Variants in ENTREP2 observed in about 807,000 individuals in gnomAD.
The protein encoded by ENTREP2 is endosomal transmembrane epsin interactor 2.
At chr15:29,499,212 G>C in the ENTREP2 span, among the ~76,000 whole-genome samples, 1 of 152,100 alleles carries the variant, frequency 6.6e-6, no homozygotes, top group Non-Finnish European at 1.5e-5. Flanking sequence ...AGGATGCCTT[G>C]ATCCTTTCTT....
At chr15:29,297,226 A>G in the ENTREP2 span, among the ~76,000 whole-genome samples, 2 of 152,200 alleles carry the variant, frequency 1.3e-5, no homozygotes, top group African/African-American at 2.4e-5. Context: ...TCACTAGAGA[A>G]TAAGTTTCAG....
chr15:29,381,597 T>C, the ENTREP2 span, among the ~76,000 whole-genome samples: 2 of 151,720 alleles, frequency 1.3e-5, no homozygotes, highest in African/African-American at 2.4e-5. Flanking sequence ...GCACCTCCCA[T>C]GAGAAACACA....
the ENTREP2 span, among the ~76,000 whole-genome samples, chr15:29,216,422 A>T: frequency 6.6e-6 from 1 of 152,174 alleles, no homozygotes; most frequent in Non-Finnish European, 1.5e-5. Context: ...CTAACTTTGG[A>T]TAACCTGATG....
At chr15:29,234,912 C>T in the ENTREP2 span, 1 of 1,541,926 alleles carries the variant, frequency 6.5e-7, no homozygotes, top group Non-Finnish European at 9.0e-7. Flanking sequence ...TTACTAATTA[C>T]TAATTTGGTG....
chr15:29,153,527 A>C, the ENTREP2 span, among the ~76,000 whole-genome samples: 2 of 152,208 alleles, frequency 1.3e-5, no homozygotes, highest in African/African-American at 4.8e-5. Context: ...ATCTACCCTC[A>C]TGACCTAACA....
chr15:29,583,416 C>T, the ENTREP2 span, among the ~76,000 whole-genome samples: 2 of 152,112 alleles, frequency 1.3e-5, no homozygotes, highest in Admixed American at 6.6e-5. Flanking sequence ...CATGTTCTTA[C>T]TTACGAGTGG....
At chr15:29,594,843 G>C in the ENTREP2 span, among the ~76,000 whole-genome samples, 1 of 151,826 alleles carries the variant, frequency 6.6e-6, no homozygotes, top group East Asian at 1.9e-4. Flanking sequence ...GAGGCGGGCG[G>C]ATCACGAGGT....
chr15:29,496,277 T>C, the ENTREP2 span, among the ~76,000 whole-genome samples: 4 of 152,022 alleles, frequency 2.6e-5, no homozygotes, highest in Non-Finnish European at 2.9e-5. Context: ...TCATTTATAG[T>C]TCTAATTAGT....
the ENTREP2 span, among the ~76,000 whole-genome samples, chr15:29,531,191 G>T: frequency 6.6e-6 from 1 of 152,146 alleles, no homozygotes; most frequent in Non-Finnish European, 1.5e-5. Context: ...TCCTTTATGC[G>T]TGACAGTCTC....
chr15:29,127,882 T>A, the ENTREP2 span, among the ~76,000 whole-genome samples: 2 of 152,172 alleles, frequency 1.3e-5, no homozygotes, highest in South Asian at 4.1e-4. Context: ...GTACCCTGGG[T>A]TGGCCGTGGG....
the ENTREP2 span, among the ~76,000 whole-genome samples, chr15:29,201,672 C>T: frequency 5.9e-4 from 89 of 152,032 alleles, no homozygotes; most frequent in Non-Finnish European, 1.1e-3. Flanking sequence ...GAATTTTATT[C>T]GTTATTATTT....
chr15:29,416,796 T>C, the ENTREP2 span, among the ~76,000 whole-genome samples: 24 of 152,084 alleles, frequency 1.6e-4, no homozygotes, highest in Non-Finnish European at 1.5e-5. Context: ...CCAACAAATT[T>C]ACAAGAAGAA....
At chr15:29,597,772 C>A in the ENTREP2 span, among the ~76,000 whole-genome samples, 2 of 152,088 alleles carry the variant, frequency 1.3e-5, no homozygotes, top group Admixed American at 1.3e-4. Context: ...GGGACATACG[C>A]TTCCAAATCA....
the ENTREP2 span, among the ~76,000 whole-genome samples, chr15:29,657,414 G>A: frequency 5.4e-5 from 7 of 130,474 alleles, no homozygotes; most frequent in East Asian, 2.5e-4. Context: ...CAGCTATAAA[G>A]AAGCAAAGGA....
chr15:29,230,815 T>C, the ENTREP2 span, among the ~76,000 whole-genome samples: 1 of 152,278 alleles, frequency 6.6e-6, no homozygotes, highest in South Asian at 2.1e-4. Flanking sequence ...CCAAGTCATG[T>C]AGGGTTTGTA....
chr15:29,157,633 C>A, the ENTREP2 span, among the ~76,000 whole-genome samples: 1 of 152,082 alleles, frequency 6.6e-6, no homozygotes, highest in Non-Finnish European at 1.5e-5. Flanking sequence ...AGTCTTAAAA[C>A]AATCCTGCTG....
At chr15:29,175,943 C>T in the ENTREP2 span, among the ~76,000 whole-genome samples, 9 of 152,290 alleles carry the variant, frequency 5.9e-5, no homozygotes, top group East Asian at 5.8e-4. Context: ...GGGTCTTGAT[C>T]GTCCTCTCTC....
chr15:29,134,901 A>G, the ENTREP2 span, among the ~76,000 whole-genome samples: 3 of 152,168 alleles, frequency 2.0e-5, no homozygotes, highest in Admixed American at 6.5e-5. Context: ...GTGTCTTTAC[A>G]GGAGTCAGCA....
At chr15:29,293,260 T>C in the ENTREP2 span, among the ~76,000 whole-genome samples, 2 of 150,520 alleles carry the variant, frequency 1.3e-5, no homozygotes, top group Non-Finnish European at 3.0e-5. Context: ...TATTGACTCT[T>C]TTTTTTTTTG....
Sources: gnomAD v4.1 joint callset for allele counts (sites outside exome capture counted in the v4.1 genomes callset) on GRCh38, gnomAD v4.1.1 for gene constraint, MANE v1.5 for transcripts, NCBI Gene and HGNC (gene_info 2026-07-23, HGNC 2026-07-21) for gene names.